The following MSRB3 variants were observed in gnomAD, a reference collection of about 807,000 sequenced individuals.
MSRB3 encodes the protein methionine-R-sulfoxide reductase B3.
In MSRB3, 13 loss-of-function variants were observed where a neutral mutation model predicts 21.0. That is an observed-to-expected ratio of 0.62 (90% CI 0.40 to 0.98). MSRB3 has a LOEUF of 0.98. MSRB3 is among the 50% of genes least tolerant of loss of function. The pLI is 0.00. For synonymous variants in MSRB3, 87 were observed against 88.6 expected (o/e 0.98, Z 0.10); for missense variants, 199 against 230.3 (o/e 0.86, Z 0.88).
intron 5 of MSRB3, among the ~76,000 whole-genome samples, chr12:65,396,911 CTT>C (rs967893653): frequency 6.6e-6 from 1 of 151,976 alleles, no homozygotes; most frequent in African/African-American, 2.4e-5. Context: ...CAACTATTTC[CTT>C]ACTAATTTTC....
At chr12:65,459,677 A>G (rs560478918) in intron 6 of MSRB3, among the ~76,000 whole-genome samples, 3 of 152,334 alleles carry the variant, frequency 2.0e-5, no homozygotes, top group East Asian at 3.9e-4. Context: ...TTCATAGATC[A>G]AACACTTAAG....
intron 5 of MSRB3, among the ~76,000 whole-genome samples, chr12:65,430,172 C>T (rs1007329466): frequency 6.6e-6 from 1 of 152,194 alleles, no homozygotes; most frequent in Non-Finnish European, 1.5e-5. Flanking sequence ...ACGACACATT[C>T]TTCTTCCAGC....
chr12:65,303,307 G>C (rs1036947157), intron 1 of MSRB3, among the ~76,000 whole-genome samples: 2 of 151,972 alleles, frequency 1.3e-5, no homozygotes, highest in Non-Finnish European at 2.9e-5. Context: ...AAAAGTAAAA[G>C]GGAAAAAAGA....
intron 5 of MSRB3, among the ~76,000 whole-genome samples, chr12:65,379,219 T>C (rs1011799563): frequency 4.1e-5 from 6 of 146,836 alleles, no homozygotes; most frequent in Admixed American, 1.4e-4. Flanking sequence ...TCCATCCATC[T>C]ACCCATCCAC....
intron 2 of MSRB3, among the ~76,000 whole-genome samples, chr12:65,312,928 AGTT>A (rs138713619): frequency 0.072 from 10,920 of 152,144 alleles, 903 homozygotes; most frequent in African/African-American, 0.2. Context: ...TGAAGTTCAT[AGTT>A]TGGTTTACTT....
intron 5 of MSRB3, among the ~76,000 whole-genome samples, chr12:65,376,868 A>G (rs1039504616): frequency 1.3e-5 from 2 of 152,206 alleles, no homozygotes; most frequent in Non-Finnish European, 2.9e-5. Flanking sequence ...GCAAAGAGGA[A>G]ACATATTATT....
chr12:65,454,092 C>G, intron 6 of MSRB3: 1 of 617,314 alleles, frequency 1.6e-6, no homozygotes, highest in South Asian at 1.9e-5. Context: ...AAGACGAGTC[C>G]GGGCAACCTA....
intron 5 of MSRB3, among the ~76,000 whole-genome samples, chr12:65,404,791 T>C (rs1880319805): frequency 6.6e-6 from 1 of 152,174 alleles, no homozygotes; most frequent in Admixed American, 6.5e-5. Context: ...CTTTGCAATT[T>C]TCTCAAGTAT....
At position 65,301,065 on chromosome 12, in the gene MSRB3, G is replaced by A. The variant is rs552012962; in HGVS notation, c.-51-7464G>A. On this transcript the variant is annotated intron_variant, in intron 1 of 6. Transcript: ENST00000308259. Reference sequence around the variant, plus strand: ...TAGGAGTACCTAGCTCAGGGTTGATGTGAGGATTAAATGAGGTTACACACA... The same window carrying A: ...TAGGAGTACCTAGCTCAGGGTTGATATGAGGATTAAATGAGGTTACACACA... 7.9e-4 allele frequency among the ~76,000 whole-genome samples: 121 copies of A among 152,206 alleles called. 1 individual carries two copies. The highest frequency in any genetic ancestry group is 2.9e-3 in the African/African-American group (120 of 41,532).
intron 5 of MSRB3, among the ~76,000 whole-genome samples, chr12:65,391,562 C>T (rs2136578790): frequency 6.6e-6 from 1 of 152,180 alleles, no homozygotes; most frequent in East Asian, 1.9e-4. Context: ...TATATTCATA[C>T]AAGTAATACT....
intron 5 of MSRB3, among the ~76,000 whole-genome samples, chr12:65,441,973 T>A (rs537087580): frequency 6.6e-6 from 1 of 152,214 alleles, no homozygotes; most frequent in African/African-American, 2.4e-5. Context: ...TAATAGCTTT[T>A]CTGAGCAATC....
rs72648166 is a variant in MSRB3, at chr12:65,389,415, A to T, written c.292+20389A>T. ...ATAACTCTTCATTACCTCCTTCAGAACCTCACTTTTCCTTTCTCATGTAAG... is the reference window on the plus strand; with the variant it reads ...ATAACTCTTCATTACCTCCTTCAGATCCTCACTTTTCCTTTCTCATGTAAG... On this transcript the variant is annotated intron_variant, in intron 5 of 6. Coordinates refer to ENST00000308259, the MANE Select transcript of MSRB3 (RefSeq NM_001031679.3). Among the ~76,000 whole-genome samples the T allele has an allele frequency of 4.1e-3, 618 of 151,970 alleles. 23 individuals are homozygous for T. In the East Asian group the frequency reaches 0.069, roughly 17 times the overall value.
intron 1 of MSRB3, among the ~76,000 whole-genome samples, chr12:65,295,754 A>C (rs1010772821): frequency 1.3e-5 from 2 of 152,208 alleles, no homozygotes; most frequent in African/African-American, 4.8e-5. Flanking sequence ...ATAATATTTT[A>C]ATTATGGAAT....
At chr12:65,443,537 T>C (rs1882479654) in intron 5 of MSRB3, among the ~76,000 whole-genome samples, 1 of 152,164 alleles carries the variant, frequency 6.6e-6, no homozygotes, top group Non-Finnish European at 1.5e-5. Flanking sequence ...TGATTATCTT[T>C]TTGTGTGTGC....
Position 65,278,720 on chromosome 12 carries a change from G to T in MSRB3, c.-197G>T, listed in dbSNP as rs773861736. 34 of 1,508,412 alleles carry T rather than the reference G, an allele frequency of 2.3e-5. No homozygotes were observed. The highest frequency in any genetic ancestry group is 4.2e-4 in the Middle Eastern group (2 of 4,800). The allele number at this position is 1,508,412 out of a possible 1,614,324, so 93.4% of individuals were successfully genotyped here. A position where few individuals can be genotyped will look rare whatever the true frequency, so the allele number is the denominator to read the frequency against. On this transcript the variant is annotated 5_prime_UTR_variant, in exon 1 of 7. Transcript: ENST00000308259. Reference sequence around the variant, plus strand: ...GCCCCGTCCGTCGCCCGGAGCCGGGGAGGGAGGGAGCGAGGTTCGGACACC... The same window carrying T: ...GCCCCGTCCGTCGCCCGGAGCCGGGTAGGGAGGGAGCGAGGTTCGGACACC...
chr12:65,326,763 C>T (rs992729961), intron 2 of MSRB3, 63 bp from the exon 3 acceptor site: 25 of 1,338,454 alleles, frequency 1.9e-5, no homozygotes, highest in Non-Finnish European at 2.7e-5. Flanking sequence ...GGCGGTCAGC[C>T]AAAGCAATTA....
At chr12:65,343,425 C>G (rs143805972) in intron 4 of MSRB3, among the ~76,000 whole-genome samples, 2 of 152,190 alleles carry the variant, frequency 1.3e-5, no homozygotes, top group East Asian at 3.9e-4. Flanking sequence ...AGCACTTACA[C>G]TGTCCTATTC....
intron 4 of MSRB3, among the ~76,000 whole-genome samples, chr12:65,366,253 C>T (rs1478534212): frequency 3.3e-5 from 5 of 152,168 alleles, no homozygotes; most frequent in African/African-American, 1.2e-4. Context: ...TCCCTCCAGC[C>T]CTCAGGTCCA....
At chr12:65,383,206 AT>A (rs1315694842) in intron 5 of MSRB3, among the ~76,000 whole-genome samples, 1 of 152,186 alleles carries the variant, frequency 6.6e-6, no homozygotes, top group East Asian at 1.9e-4. Context: ...CCCGTGCTCA[AT>A]TTCACAAATG....
Sources: gnomAD v4.1 joint callset for allele counts (sites outside exome capture counted in the v4.1 genomes callset) on GRCh38, gnomAD v4.1.1 for gene constraint, MANE v1.5 for transcripts, NCBI Gene and HGNC (gene_info 2026-07-23, HGNC 2026-07-21) for gene names.